RIN2: variants seen among roughly 807,000 people sequenced by gnomAD.
The protein encoded by RIN2 is RAB5 interacting protein 2.
Under a neutral mutation model 78.0 loss-of-function variants are expected in RIN2, and 36 were observed. The observed-to-expected ratio is 0.46, with a 90% confidence interval of 0.35 to 0.61. The LOEUF is 0.61. Among genes scored for constraint, RIN2 ranks in the 20% least tolerant of loss-of-function variants. The pLI, the probability that RIN2 is intolerant of heterozygous loss-of-function variation, is 0.00. For missense variants in RIN2, 1,087 were observed against 1,159.7 expected, an observed-to-expected ratio of 0.94 and a Z score of 0.91; for synonymous variants, 466 against 466.8, an observed-to-expected ratio of 1.00 and a Z score of 0.02.
At chr20:19,921,339 A>T (rs571614791) in intron 3 of RIN2, among the ~76,000 whole-genome samples, 1 of 152,140 alleles carries the variant, frequency 6.6e-6, no homozygotes, top group South Asian at 2.1e-4. Context: ...TTTTTAGTGG[A>T]TGCCACACGT....
chr20:19,964,849 T>C lies in RIN2; in HGVS notation c.464-103T>C, dbSNP rs6046489. The C allele has an allele frequency of 0.2, 193,747 of 965,674 alleles. 24,496 individuals carry two copies. The highest frequency in any genetic ancestry group is 0.57 in the East Asian group (23,621 of 41,088). The allele number at this position is 965,674 out of a possible 1,614,324, so 59.8% of individuals were successfully genotyped here. On this transcript the variant is annotated intron_variant, in intron 6 of 12. Transcript: ENST00000255006. ...TTCTGATAAGCCACACGGTAGTTTG[T>C]TTGAGAGTACTCAGATGGTCCCACA...
intron 1 of RIN2, among the ~76,000 whole-genome samples, chr20:19,778,870 C>T (rs542055306): frequency 1.3e-5 from 2 of 152,226 alleles, no homozygotes; most frequent in South Asian, 2.1e-4. Context: ...GTATTCCTGG[C>T]CCCCCAACCA....
In RIN2 at chr20:19,795,674, A is replaced by AT. The variant is rs2035032563; in HGVS notation, c.-162-3941dup. Among the ~76,000 whole-genome samples, 7 of 152,158 alleles carry AT rather than the reference A, an allele frequency of 4.6e-5. No homozygotes were observed. In the South Asian group the frequency reaches 1.5e-3, roughly 32 times the overall value. On this transcript the variant is annotated intron_variant, in intron 1 of 12. Transcript: ENST00000255006. ...CCCTTCTCTATAAGACCAAACAAAC[A>AT]TTTTTTTCCGCCTCCTTAGAGTGCC...
At chr20:19,994,399 C>T (rs1292957175) in intron 11 of RIN2, among the ~76,000 whole-genome samples, 4 of 152,192 alleles carry the variant, frequency 2.6e-5, no homozygotes, top group Non-Finnish European at 5.9e-5. Flanking sequence ...GTCTGTTTTC[C>T]GCTGTTTAAG....
chr20:19,889,804 G>A lies in RIN2; in HGVS notation c.57+146G>A, dbSNP rs1349807985. On this transcript the variant is annotated intron_variant, in intron 3 of 12. Coordinates refer to ENST00000255006, the MANE Select transcript of RIN2 (RefSeq NM_018993.4). ...GCTTGCCCGAGCCCAGCTGCTGATT[G>A]TTACCAGGGCTTATAACAGGTTGCG... is the stretch of plus-strand genomic sequence containing the variant. The A allele has an allele frequency of 1.0e-5, 6 of 582,958 alleles. No individual in the cohort carries two copies. In the East Asian group the frequency reaches 1.9e-4, roughly 18 times the overall value. 36.1% of individuals were successfully genotyped at this position (582,958 alleles called of 1,614,324 possible).
At chr20:19,773,834 C>G (rs1389023738) in intron 1 of RIN2, among the ~76,000 whole-genome samples, 1 of 151,366 alleles carries the variant, frequency 6.6e-6, no homozygotes, top group East Asian at 1.9e-4. Context: ...TGGTTACAAT[C>G]ACTATTAAAA....
At chr20:19,848,770 A>T (rs574447834) in intron 2 of RIN2, among the ~76,000 whole-genome samples, 16 of 152,262 alleles carry the variant, frequency 1.1e-4, no homozygotes, top group African/African-American at 3.6e-4. Context: ...TTATTTTATC[A>T]TTTAAAAAAC....
chr20:19,783,115 C>T (rs1402848920), intron 1 of RIN2, among the ~76,000 whole-genome samples: 1 of 152,216 alleles, frequency 6.6e-6, no homozygotes, highest in East Asian at 1.9e-4. Context: ...AATCCCAGCT[C>T]TCGCTCATCC....
chr20:19,761,150 T>G (rs993729305), intron 1 of RIN2, among the ~76,000 whole-genome samples: 3 of 152,222 alleles, frequency 2.0e-5, no homozygotes, highest in Non-Finnish European at 4.4e-5. Flanking sequence ...GATTTACAAA[T>G]AGTATCTCAG....
At chr20:19,847,864 C>T (rs534181265) in intron 2 of RIN2, among the ~76,000 whole-genome samples, 284 of 152,166 alleles carry the variant, frequency 1.9e-3, no homozygotes, top group Middle Eastern at 6.8e-3. Context: ...AGGGAGGGGC[C>T]CATAAACTTT....
intron 2 of RIN2, among the ~76,000 whole-genome samples, chr20:19,821,050 C>T (rs1196510234): frequency 6.6e-6 from 1 of 152,302 alleles, no homozygotes; most frequent in East Asian, 1.9e-4. Flanking sequence ...GAGACTGATA[C>T]TGCTGATCTA....
chr20:19,827,126 C>T (rs1457103994), intron 2 of RIN2, among the ~76,000 whole-genome samples: 7 of 151,998 alleles, frequency 4.6e-5, no homozygotes, highest in African/African-American at 7.2e-5. Flanking sequence ...CAGGCATGTG[C>T]TACCATACCT....
At chr20:19,863,426 TG>T (rs1400796720) in intron 2 of RIN2, among the ~76,000 whole-genome samples, 1 of 152,170 alleles carries the variant, frequency 6.6e-6, no homozygotes, top group African/African-American at 2.4e-5. Flanking sequence ...TAGAGAGTAC[TG>T]GGGAGTTAAT....
At chr20:19,977,414 T>TG (rs113063827) in intron 9 of RIN2, among the ~76,000 whole-genome samples, 60,428 of 152,020 alleles carry the variant, frequency 0.4, 12,421 homozygotes, top group Non-Finnish European at 0.44. Flanking sequence ...AAAAACATGC[T>TG]AAAATTATGT....
intron 3 of RIN2, among the ~76,000 whole-genome samples, chr20:19,901,120 A>T (rs554041824): frequency 6.6e-6 from 1 of 152,116 alleles, no homozygotes; most frequent in South Asian, 2.1e-4. Flanking sequence ...ACGGCACTAT[A>T]CAAAAAGCAT....
chr20:19,911,320 T>C (rs976045062), intron 3 of RIN2, among the ~76,000 whole-genome samples: 1 of 152,334 alleles, frequency 6.6e-6, no homozygotes, highest in Non-Finnish European at 1.5e-5. Context: ...CCCAAAGTGC[T>C]GGGATTACAG....
chr20:19,955,617 G>A (rs562877526), intron 4 of RIN2, among the ~76,000 whole-genome samples: 6 of 152,304 alleles, frequency 3.9e-5, no homozygotes, highest in East Asian at 3.9e-4. Flanking sequence ...GATTATAGGC[G>A]TGAGCCACCA....
chr20:19,809,747 TGG>T (rs1255021382), intron 2 of RIN2: 1 of 151,984 alleles, frequency 6.6e-6, no homozygotes, highest in African/African-American at 2.4e-5. Context: ...TGGGGCCTCA[TGG>T]GAGTCCACAG....
At chr20:19,832,368 C>T (rs2036274658) in intron 2 of RIN2, among the ~76,000 whole-genome samples, 1 of 148,740 alleles carries the variant, frequency 6.7e-6, no homozygotes, top group African/African-American at 2.5e-5. Flanking sequence ...TGTGTGGCAT[C>T]CCGATGGCTC....
Sources: allele counts gnomAD v4.1 joint callset (sites outside exome capture counted in the v4.1 genomes callset), GRCh38; gene constraint gnomAD v4.1.1; transcripts MANE v1.5; gene names NCBI Gene and HGNC (gene_info 2026-07-23, HGNC 2026-07-21).